Variants in SLC10A7 observed in about 807,000 individuals in gnomAD.
The protein encoded by SLC10A7 is sodium/bile acid cotransporter 7.
Under a neutral mutation model 43.2 loss-of-function variants are expected in SLC10A7, and 29 were observed. The ratio of observed to expected loss-of-function variants is 0.67; its 90% CI spans 0.50 to 0.92. SLC10A7 has a LOEUF of 0.92. SLC10A7 is among the 40% of genes least tolerant of loss of function. The pLI is 0.00. For synonymous variants in SLC10A7, 152 were observed against 144.8 expected, an observed-to-expected ratio of 1.05 and a Z score of -0.35; for missense variants, 295 against 403.2, an observed-to-expected ratio of 0.73 and a Z score of 2.30.
intron 10 of SLC10A7, among the ~76,000 whole-genome samples, chr4:146,281,301 T>C (rs1729534062): frequency 6.6e-6 from 1 of 151,592 alleles, no homozygotes; most frequent in South Asian, 2.1e-4. Flanking sequence ...TCAGCACAAC[T>C]AGCTCTAGCA....
chr4:146,265,636 A>T (rs1193840472), intron 10 of SLC10A7, among the ~76,000 whole-genome samples: 1 of 152,210 alleles, frequency 6.6e-6, no homozygotes. Context: ...TTCCTGCAAC[A>T]TTTAAGCACA....
At chr4:146,469,319 G>C (rs773013727) in intron 4 of SLC10A7, among the ~76,000 whole-genome samples, 1 of 152,246 alleles carries the variant, frequency 6.6e-6, no homozygotes, top group Non-Finnish European at 1.5e-5. Flanking sequence ...TGGTGTCAGA[G>C]AGATTGGAAA....
intron 5 of SLC10A7, among the ~76,000 whole-genome samples, chr4:146,349,280 T>C (rs774947226): frequency 1.6e-4 from 24 of 151,982 alleles, no homozygotes; most frequent in Non-Finnish European, 3.2e-4. Flanking sequence ...TCAACAATTA[T>C]CAAAGAAATG....
At chr4:146,468,843 G>A (rs190097627) in intron 4 of SLC10A7, among the ~76,000 whole-genome samples, 1 of 151,936 alleles carries the variant, frequency 6.6e-6, no homozygotes, top group African/African-American at 2.4e-5. Flanking sequence ...TATGTGGGGG[G>A]TACTTCTTTG....
At chr4:146,395,385 G>A (rs1203947228) in intron 5 of SLC10A7, among the ~76,000 whole-genome samples, 1 of 152,066 alleles carries the variant, frequency 6.6e-6, no homozygotes, top group African/African-American at 2.4e-5. Context: ...GCAAAACACT[G>A]TCTCAAAAGA....
At chr4:146,338,604 T>C (rs1012521667) in intron 5 of SLC10A7, among the ~76,000 whole-genome samples, 5 of 151,970 alleles carry the variant, frequency 3.3e-5, no homozygotes, top group African/African-American at 7.2e-5. Flanking sequence ...AACTGAAAAG[T>C]TGATGCCCAA....
In SLC10A7 at chr4:146,255,020, G is replaced by A. The variant is rs1727820597; in HGVS notation, c.*1471C>T. Reference sequence around the variant, plus strand: ...TAAATTTACACAGTAGATAAACTTGGTGAGTTTCTAAGGAATGATTTTTTG... The same window carrying A: ...TAAATTTACACAGTAGATAAACTTGATGAGTTTCTAAGGAATGATTTTTTG... On this transcript the variant is annotated 3_prime_UTR_variant, in exon 12 of 12. Transcript: ENST00000335472. The A allele has an allele frequency of 6.6e-6, 1 of 152,172 alleles. No homozygotes were observed. Among genetic ancestry groups the A allele is most frequent in the East Asian group, 1.9e-4 (1 of 5,204 alleles). The allele number at this position is 152,172 out of a possible 1,614,324, so 9.4% of individuals were successfully genotyped here. A position where few individuals can be genotyped will look rare whatever the true frequency, so the allele number is the denominator to read the frequency against.
chr4:146,432,955 G>A (rs1729895532), intron 5 of SLC10A7, among the ~76,000 whole-genome samples: 1 of 150,888 alleles, frequency 6.6e-6, no homozygotes, highest in African/African-American at 2.4e-5. Context: ...GGAGAATAGC[G>A]TGAACTCGGG....
intron 5 of SLC10A7, among the ~76,000 whole-genome samples, chr4:146,326,262 C>T (rs181185050): frequency 6.6e-6 from 1 of 152,314 alleles, no homozygotes; most frequent in East Asian, 1.9e-4. Context: ...AAATTCCCTT[C>T]CACATTGCAC....
At chr4:146,355,314 A>C (rs903431839) in intron 5 of SLC10A7, among the ~76,000 whole-genome samples, 2 of 152,224 alleles carry the variant, frequency 1.3e-5, no homozygotes, top group South Asian at 2.1e-4. Flanking sequence ...GCCATCAGAG[A>C]AATGCAAATC....
Position 146,390,485 on chromosome 4 carries a change from C to T in SLC10A7, c.435+52298G>A, listed in dbSNP as rs568089910. On this transcript the variant is annotated intron_variant, in intron 5 of 11. Transcript: ENST00000335472. Reference sequence around the variant, plus strand: ...CTCTACAAAAAATACAAAAAATTAGCCGGGTGTGGAGGTGCACACCTGTAG... The same window carrying T: ...CTCTACAAAAAATACAAAAAATTAGTCGGGTGTGGAGGTGCACACCTGTAG... Among the ~76,000 whole-genome samples the T allele has an allele frequency of 2.1e-4, 32 of 152,098 alleles. No homozygotes were observed. The East Asian group carries it at 2.3e-3, about 11-fold the overall frequency.
chr4:146,326,572 G>A lies in SLC10A7; in HGVS notation c.436-576C>T, dbSNP rs189975511. ...TAATTCAGCCACATAGGACCACCTC[G>A]GTCCCTCTGCCTCCCCTAGGCAGAA... On this transcript the variant is annotated intron_variant, in intron 5 of 11. Transcript: ENST00000335472. Among the ~76,000 whole-genome samples, 29 of 152,262 alleles carry A rather than the reference G, an allele frequency of 1.9e-4. No homozygotes were observed. The East Asian group carries it at 4.8e-3, about 25-fold the overall frequency.
chr4:146,274,390 G>A (rs1729079407), intron 10 of SLC10A7, among the ~76,000 whole-genome samples: 1 of 151,858 alleles, frequency 6.6e-6, no homozygotes, highest in African/African-American at 2.4e-5. Context: ...TTTTAGTAGA[G>A]ACAGGGTTTC....
At chr4:146,500,408 CCTCA>C (rs1736289165) in intron 4 of SLC10A7, among the ~76,000 whole-genome samples, 1 of 152,064 alleles carries the variant, frequency 6.6e-6, no homozygotes, top group Admixed American at 6.6e-5. Context: ...TTGCTTCCAA[CCTCA>C]CTAAGAAAAT....
chr4:146,421,446 C>T (rs1411540772), intron 5 of SLC10A7, among the ~76,000 whole-genome samples: 1 of 152,154 alleles, frequency 6.6e-6, no homozygotes, highest in African/African-American at 2.4e-5. Flanking sequence ...CCAATAAACA[C>T]ATTGCTACCA....
chr4:146,282,990 T>C (rs558339212), intron 10 of SLC10A7, among the ~76,000 whole-genome samples: 11 of 152,306 alleles, frequency 7.2e-5, no homozygotes, highest in Admixed American at 4.6e-4. Flanking sequence ...TTTTACAGTG[T>C]TAATTTTGGC....
intron 4 of SLC10A7, among the ~76,000 whole-genome samples, chr4:146,486,129 C>T (rs1425475010): frequency 2.0e-5 from 3 of 152,110 alleles, no homozygotes; most frequent in Non-Finnish European, 4.4e-5. Flanking sequence ...CAAGGTGAAA[C>T]ATATCACAAC....
At position 146,507,113 on chromosome 4, in the gene SLC10A7, C is replaced by T. The variant is rs145341544; in HGVS notation, c.320+2800G>A. Among the ~76,000 whole-genome samples the T allele has an allele frequency of 1.1e-4, 16 of 152,286 alleles. No homozygotes were observed. The East Asian group carries it at 3.1e-3, about 29-fold the overall frequency. The stretch of plus-strand genomic sequence containing the variant: ...TACGTTATTAACTATAGTTACCATG[C>T]TGTACAATAGATCTTCAGAAAGAAT... On this transcript the variant is annotated intron_variant, in intron 3 of 11. Coordinates refer to ENST00000335472, the MANE Select transcript of SLC10A7 (RefSeq NM_001029998.6).
chr4:146,380,164 A>G (rs573511684), intron 5 of SLC10A7, among the ~76,000 whole-genome samples: 1 of 152,272 alleles, frequency 6.6e-6, no homozygotes, highest in African/African-American at 2.4e-5. Flanking sequence ...AACCAGGTAT[A>G]TGTTAGTTTT....
Sources: allele counts gnomAD v4.1 joint callset (sites outside exome capture counted in the v4.1 genomes callset), GRCh38; gene constraint gnomAD v4.1.1; transcripts MANE v1.5; gene names NCBI Gene and HGNC (gene_info 2026-07-23, HGNC 2026-07-21).